The following TENT2 variants were observed in gnomAD, a reference collection of about 807,000 sequenced individuals.
TENT2 encodes terminal nucleotidyltransferase 2.
A neutral mutation model predicts 72.2 loss-of-function variants in TENT2; 44 were observed. The ratio of observed to expected loss-of-function variants is 0.61; its 90% CI spans 0.48 to 0.78. The LOEUF is 0.78. Among genes scored for constraint, TENT2 ranks in the 30% least tolerant of loss-of-function variants. The pLI, the probability that TENT2 is intolerant of heterozygous loss-of-function variation, is 0.00. For missense variants in TENT2, 541 were observed against 569.6 expected, an observed-to-expected ratio of 0.95 and a Z score of 0.51; for synonymous variants, 212 against 192.5, an observed-to-expected ratio of 1.10 and a Z score of -0.84.
intron 10 of TENT2, among the ~76,000 whole-genome samples, chr5:79,653,447 T>C (rs1286149559): frequency 1.3e-5 from 2 of 152,308 alleles, no homozygotes; most frequent in Admixed American, 1.3e-4. Context: ...AAGCTATGAT[T>C]ATGCCACTGC....
chr5:79,626,907 G>A (rs1429115512), intron 4 of TENT2, among the ~76,000 whole-genome samples: 1 of 151,894 alleles, frequency 6.6e-6, no homozygotes, highest in Admixed American at 6.6e-5. Flanking sequence ...CAAGGTAGGC[G>A]GATCACAAGG....
chr5:79,649,240 A>C, intron 10 of TENT2, 50 bp downstream of exon 10: 1 of 1,548,486 alleles, frequency 6.5e-7, no homozygotes, highest in Non-Finnish European at 8.9e-7. Flanking sequence ...AGACAGCTTT[A>C]TTATGGTGTC....
chr5:79,629,691 G>A (rs1479517921), intron 4 of TENT2, among the ~76,000 whole-genome samples: 1 of 152,028 alleles, frequency 6.6e-6, no homozygotes, highest in African/African-American at 2.4e-5. Flanking sequence ...GCCAGGCGTG[G>A]TGGCGGGTGC....
At chr5:79,659,551 AAAAT>A (rs1800621082) in intron 11 of TENT2, among the ~76,000 whole-genome samples, 1 of 63,500 alleles carries the variant, frequency 1.6e-5, no homozygotes, top group African/African-American at 8.7e-5. Flanking sequence ...AAAAAAAAAA[AAAAT>A]GTATATATAT....
At chr5:79,635,561 A>AT (rs963504761) in intron 4 of TENT2, among the ~76,000 whole-genome samples, 4 of 149,912 alleles carry the variant, frequency 2.7e-5, no homozygotes, top group Admixed American at 1.3e-4. Flanking sequence ...TTGTGAAGGA[A>AT]TTTTTTTTTT....
intron 11 of TENT2, among the ~76,000 whole-genome samples, chr5:79,663,459 C>T (rs1804651146): frequency 6.6e-6 from 1 of 152,104 alleles, no homozygotes; most frequent in African/African-American, 2.4e-5. Context: ...GTGACTTTTC[C>T]TTTCACTTGG....
chr5:79,644,439 C>T (rs1221443243), intron 7 of TENT2, among the ~76,000 whole-genome samples: 1 of 151,970 alleles, frequency 6.6e-6, no homozygotes. Context: ...CTGTATTTTC[C>T]TAATTTTCTA....
intron 2 of TENT2, 44 bp from the exon 3 acceptor site, chr5:79,619,949 GA>G (rs758630755): frequency 6.7e-6 from 10 of 1,490,234 alleles, no homozygotes; most frequent in South Asian, 5.1e-5. Flanking sequence ...TGTTTTTAAA[GA>G]AAAAATATGT....
At chr5:79,653,579 T>G (rs2150233017) in intron 10 of TENT2, among the ~76,000 whole-genome samples, 1 of 152,324 alleles carries the variant, frequency 6.6e-6, no homozygotes, top group Middle Eastern at 3.4e-3. Flanking sequence ...ACATTTTATT[T>G]TTGACAGAGT....
intron 2 of TENT2, 92 bp from the exon 3 acceptor site, chr5:79,619,902 A>G: frequency 3.5e-6 from 5 of 1,449,074 alleles, no homozygotes; most frequent in Non-Finnish European, 4.7e-6. Flanking sequence ...TTTTTTTTTG[A>G]TACGGATGTA....
intron 10 of TENT2, among the ~76,000 whole-genome samples, chr5:79,655,089 T>C (rs1426256408): frequency 6.6e-6 from 1 of 152,192 alleles, no homozygotes; most frequent in East Asian, 1.9e-4. Flanking sequence ...GAAGTTAAAA[T>C]AGTTGTTATA....
intron 1 of TENT2, among the ~76,000 whole-genome samples, chr5:79,618,000 T>G (rs1353625979): frequency 6.6e-6 from 1 of 152,204 alleles, no homozygotes; most frequent in Non-Finnish European, 1.5e-5. Flanking sequence ...GCATTTTTTT[T>G]GTTTTATTTA....
intron 3 of TENT2, among the ~76,000 whole-genome samples, 198 bp from the exon 4 acceptor site, chr5:79,623,054 A>ATT (rs58029058): frequency 2.0e-5 from 3 of 151,630 alleles, no homozygotes; most frequent in South Asian, 2.1e-4. Flanking sequence ...CATTATTACT[A>ATT]TTTTTTTTAA....
intron 6 of TENT2, 98 bp from the exon 7 acceptor site, chr5:79,642,734 T>G: frequency 1.1e-6 from 1 of 899,752 alleles, no homozygotes; most frequent in Non-Finnish European, 1.7e-6. Flanking sequence ...CAAAGGAAAG[T>G]ATATCTTGTA....
chr5:79,624,887 A>G (rs1768155412), intron 4 of TENT2, among the ~76,000 whole-genome samples: 1 of 152,192 alleles, frequency 6.6e-6, no homozygotes, highest in Admixed American at 6.5e-5. Context: ...AGATTTTTGC[A>G]TGGACATATG....
intron 11 of TENT2, among the ~76,000 whole-genome samples, chr5:79,659,947 CAACAACGAAAAAACAACT>C (rs1801458176): frequency 1.3e-5 from 2 of 151,718 alleles, no homozygotes; most frequent in South Asian, 4.1e-4. Flanking sequence ...GATAAGTTAA[CAACAACGAAAAAACAACT>C]TTGTTACTTT....
intron 10 of TENT2, among the ~76,000 whole-genome samples, chr5:79,650,673 T>G (rs1460880817): frequency 6.6e-6 from 1 of 152,090 alleles, no homozygotes; most frequent in Non-Finnish European, 1.5e-5. Flanking sequence ...GTACTGAGGA[T>G]ACTGGGAACT....
At chr5:79,632,915 G>T (rs1419787816) in intron 4 of TENT2, among the ~76,000 whole-genome samples, 1 of 152,068 alleles carries the variant, frequency 6.6e-6, no homozygotes, top group African/African-American at 2.4e-5. Context: ...CCAAGTTCAG[G>T]TAATAGTAGG....
At chr5:79,665,071 T>A (rs2150525328) in intron 11 of TENT2, among the ~76,000 whole-genome samples, 1 of 152,328 alleles carries the variant, frequency 6.6e-6, no homozygotes, top group South Asian at 2.1e-4. Context: ...TTAACATACA[T>A]CACCAGATTA....
Sources: gnomAD v4.1 joint callset for allele counts (sites outside exome capture counted in the v4.1 genomes callset) on GRCh38, gnomAD v4.1.1 for gene constraint, MANE v1.5 for transcripts, NCBI Gene and HGNC (gene_info 2026-07-23, HGNC 2026-07-21) for gene names.